The following UNC80 variants were observed in gnomAD, a reference collection of about 807,000 sequenced individuals.
The protein encoded by UNC80 is protein unc-80 homolog.
A neutral mutation model predicts 384.6 loss-of-function variants in UNC80; 164 were observed. The ratio of observed to expected loss-of-function variants is 0.43; its 90% CI spans 0.38 to 0.49. The LOEUF (loss-of-function observed/expected upper bound fraction) is 0.49, where lower values mean the gene tolerates loss of function less well. Ranked by LOEUF, UNC80 falls within the 20% of genes least tolerant of loss-of-function variation. UNC80 has a pLI of 0.00. For missense variants in UNC80, 3,330 were observed against 4,143.0 expected, an observed-to-expected ratio of 0.80 and a Z score of 5.39; for synonymous variants, 1,486 against 1,527.8, an observed-to-expected ratio of 0.97 and a Z score of 0.64.
intron 22 of UNC80, among the ~76,000 whole-genome samples, chr2:209,855,552 A>G (rs908608520): frequency 6.6e-6 from 1 of 152,208 alleles, no homozygotes; most frequent in Non-Finnish European, 1.5e-5. Flanking sequence ...CATATCCATG[A>G]CACAAAACAT....
At chr2:209,936,815 T>C in intron 40 of UNC80, 29 bp from the exon 41 acceptor site, 1 of 1,443,862 alleles carries the variant, frequency 6.9e-7, no homozygotes, top group Non-Finnish European at 9.5e-7. Flanking sequence ...CTGATAAACA[T>C]TTATTAAAAT....
At position 209,901,928 on chromosome 2, in the gene UNC80, C is replaced by CA. The variant is rs113397197; in HGVS notation, c.4582-2823dup. Among the ~76,000 whole-genome samples, 1,220 of 139,576 alleles carry CA rather than the reference C, an allele frequency of 8.7e-3. 9 individuals carry two copies. Among genetic ancestry groups the CA allele is most frequent in the African/African-American group, 0.024 (894 of 37,118 alleles). The allele number at this position is 139,576 out of a possible 152,430, so 91.6% of individuals were successfully genotyped here. ...TGGGCAACACAGCAAGACTCTGTCTCAAAAAAAAAAAAAAGTACATTTTGC... is the reference window on the plus strand; with the variant it reads ...TGGGCAACACAGCAAGACTCTGTCTCAAAAAAAAAAAAAAAGTACATTTTGC... On this transcript the variant is annotated intron_variant, in intron 28 of 64. Coordinates refer to ENST00000673920, the MANE Select transcript of UNC80 (RefSeq NM_001371986.1).
chr2:209,972,881 TACTC>T (rs370872610), intron 55 of UNC80, among the ~76,000 whole-genome samples, 179 bp from the exon 56 acceptor site: 6 of 152,258 alleles, frequency 3.9e-5, no homozygotes, highest in African/African-American at 1.4e-4. Flanking sequence ...ATGGAGAAAA[TACTC>T]AGGTGCCAGG....
At chr2:209,913,488 A>G (rs2089186858) in intron 30 of UNC80, among the ~76,000 whole-genome samples, 1 of 152,228 alleles carries the variant, frequency 6.6e-6, no homozygotes, top group Non-Finnish European at 1.5e-5. Context: ...GACTTTTAAC[A>G]CAAAGATGTA....
At chr2:209,801,731 A>C (rs1231151292) in intron 7 of UNC80, among the ~76,000 whole-genome samples, 3 of 112,210 alleles carry the variant, frequency 2.7e-5, no homozygotes, top group African/African-American at 1.1e-4. Flanking sequence ...TTACCTTTTC[A>C]TTTGATAATT....
chr2:209,827,429 G>A (rs2080618121), intron 14 of UNC80, among the ~76,000 whole-genome samples: 1 of 152,074 alleles, frequency 6.6e-6, no homozygotes, highest in Non-Finnish European at 1.5e-5. Context: ...CAGAAAGCAG[G>A]GTGAGTTGGA....
In UNC80 at chr2:209,853,270, A is replaced by C. The variant is rs1316008552; in HGVS notation, c.3627+3647A>C. The stretch of plus-strand genomic sequence containing the variant: ...AATACAATTTTTGCATTTTGACATA[A>C]TTTTATATTAGAATAGTTTCATTGT... On this transcript the variant is annotated intron_variant, in intron 22 of 64. Transcript: ENST00000673920. 3.9e-5 allele frequency among the ~76,000 whole-genome samples: 6 copies of C among 152,152 alleles called. No individual in the cohort carries two copies. The East Asian group carries it at 1.2e-3, about 29-fold the overall frequency.
intron 7 of UNC80, among the ~76,000 whole-genome samples, chr2:209,800,797 C>A (rs1425844382): frequency 1.3e-5 from 2 of 152,066 alleles, no homozygotes; most frequent in African/African-American, 4.8e-5. Context: ...TTGATTTCTG[C>A]CTTAATTTCA....
At chr2:209,988,538 A>C (rs1276634832) in intron 61 of UNC80, among the ~76,000 whole-genome samples, 2 of 152,190 alleles carry the variant, frequency 1.3e-5, no homozygotes, top group Non-Finnish European at 2.9e-5. Flanking sequence ...TATAGTGCAT[A>C]AAAGATATAC....
At chr2:209,829,977 G>A (rs777917837) in intron 15 of UNC80, among the ~76,000 whole-genome samples, 4 of 152,196 alleles carry the variant, frequency 2.6e-5, no homozygotes, top group Non-Finnish European at 4.4e-5. Flanking sequence ...CTAAGTTACA[G>A]GGGGAGACCA....
intron 10 of UNC80, among the ~76,000 whole-genome samples, chr2:209,817,527 C>T (rs1403075933): frequency 1.3e-5 from 2 of 151,578 alleles, no homozygotes; most frequent in Non-Finnish European, 2.9e-5. Context: ...GGATTGCATA[C>T]TAAATAGGCC....
intron 5 of UNC80, among the ~76,000 whole-genome samples, chr2:209,788,250 C>G (rs1278806646): frequency 1.3e-5 from 2 of 152,032 alleles, no homozygotes; most frequent in African/African-American, 4.8e-5. Flanking sequence ...AACCCCATCT[C>G]TATTAAAAAT....
chr2:209,827,316 C>T (rs2080607634), intron 14 of UNC80, among the ~76,000 whole-genome samples: 1 of 152,056 alleles, frequency 6.6e-6, no homozygotes, highest in Non-Finnish European at 1.5e-5. Context: ...AATTTCATGA[C>T]ATGAAACACT....
chr2:209,955,720 TATATATATATATATATATACACACACAC>T (rs1388683026), intron 48 of UNC80, among the ~76,000 whole-genome samples: 11 of 82,332 alleles, frequency 1.3e-4, no homozygotes, highest in African/African-American at 8.0e-4. Flanking sequence ...TATATATATA[TATATATATATATATATATACACACACAC>T]ACACACACAC....
At chr2:209,880,874 T>C (rs2124895574) in intron 24 of UNC80, 87 bp from the exon 25 acceptor site, 1 of 1,293,086 alleles carries the variant, frequency 7.7e-7, no homozygotes, top group Non-Finnish European at 1.1e-6. Flanking sequence ...TTTGATTCTA[T>C]ACATGTGTAG....
Position 209,943,368 on chromosome 2 carries a change from A to AT in UNC80, c.6916-7dup, listed in dbSNP as rs765284575. ...TTAAGGCATTTTTTGAATATCTGGC[A>AT]TTTTTCCATAGGTGTACTCCGACTA... On this transcript the variant is annotated splice_polypyrimidine_tract_variant and intron_variant, in intron 44 of 64. Coordinates refer to ENST00000673920, the MANE Select transcript of UNC80 (RefSeq NM_001371986.1). 5.2e-6 allele frequency: 8 copies of AT among 1,551,020 alleles called. No homozygotes were observed. The South Asian group carries it at 9.5e-5, about 18-fold the overall frequency.
chr2:209,861,947 G>T (rs2083374444), intron 22 of UNC80, among the ~76,000 whole-genome samples: 1 of 151,962 alleles, frequency 6.6e-6, no homozygotes, highest in Non-Finnish European at 1.5e-5. Context: ...AATCTAGCTA[G>T]TGGTCTATCT....
intron 22 of UNC80, among the ~76,000 whole-genome samples, chr2:209,857,120 TC>T (rs1371716544): frequency 2.0e-5 from 3 of 152,128 alleles, no homozygotes; most frequent in Non-Finnish European, 4.4e-5. Flanking sequence ...TTTCCATGTA[TC>T]CTGAGTCAAC....
chr2:209,828,914 C>CT (rs995506336), intron 14 of UNC80, among the ~76,000 whole-genome samples: 5 of 151,624 alleles, frequency 3.3e-5, no homozygotes, highest in African/African-American at 1.2e-4. Flanking sequence ...AAATTTCAAA[C>CT]TTTTTTTTTC....
Sources: allele counts gnomAD v4.1 joint callset (sites outside exome capture counted in the v4.1 genomes callset), GRCh38; gene constraint gnomAD v4.1.1; transcripts MANE v1.5; gene names NCBI Gene and HGNC (gene_info 2026-07-23, HGNC 2026-07-21).